Variants in IGSF11 observed in about 807,000 individuals in gnomAD.
The protein encoded by IGSF11 is CXADR like 1.
IGSF11 carries 22 observed loss-of-function variants against 41.0 expected under a neutral mutation model. The observed-to-expected ratio is 0.54, with a 90% CI of 0.38 to 0.77. The LOEUF (loss-of-function observed/expected upper bound fraction) is 0.77. IGSF11 is among the 30% of genes least tolerant of loss of function. The probability of loss-of-function intolerance (pLI) is 0.00; values close to 1 mark genes in which losing one functional copy is unlikely to be tolerated. For missense variants in IGSF11, 444 were observed against 530.8 expected, an observed-to-expected ratio of 0.84 and a Z score of 1.61; for synonymous variants, 219 against 201.3, an observed-to-expected ratio of 1.09 and a Z score of -0.74.
intron 1 of IGSF11, among the ~76,000 whole-genome samples, chr3:119,097,555 A>C (rs1045970064): frequency 6.6e-6 from 1 of 152,090 alleles, no homozygotes; most frequent in Non-Finnish European, 1.5e-5. Flanking sequence ...GTAGAGAGAG[A>C]GAGCCTGCTA....
chr3:119,111,200 C>G lies in IGSF11; in HGVS notation c.-13-5995G>C, dbSNP rs372404946. ...CTGCAGAGTGTTTTCCAACTTGGTT[C>G]CATTCTCCCCATCACTTTCAGGTAC... is the stretch of plus-strand genomic sequence containing the variant. On this transcript the variant is annotated intron_variant, in intron 1 of 7. Transcript: ENST00000425327. 3.2e-4 allele frequency among the ~76,000 whole-genome samples: 49 copies of G among 152,262 alleles called. 1 individual carries two copies. In the East Asian group the frequency reaches 8.9e-3, roughly 28 times the overall value.
chr3:119,064,365 G>A (rs1414860131), intron 1 of IGSF11, among the ~76,000 whole-genome samples: 2 of 151,980 alleles, frequency 1.3e-5, no homozygotes, highest in Non-Finnish European at 1.5e-5. Flanking sequence ...ATGTGTAGGG[G>A]GTTTTCCCTC....
At chr3:118,951,762 C>A (rs1944586637) in intron 1 of IGSF11, among the ~76,000 whole-genome samples, 1 of 152,114 alleles carries the variant, frequency 6.6e-6, no homozygotes, top group Non-Finnish European at 1.5e-5. Flanking sequence ...TACAAATATT[C>A]TCTCAAATAC....
chr3:118,984,812 G>A (rs1264395051), intron 1 of IGSF11, among the ~76,000 whole-genome samples: 1 of 152,178 alleles, frequency 6.6e-6, no homozygotes, highest in Non-Finnish European at 1.5e-5. Context: ...AGGTAAGGGA[G>A]CAAGGTGAAG....
chr3:118,916,071 C>G (rs1000172392), intron 4 of IGSF11, among the ~76,000 whole-genome samples: 2 of 148,994 alleles, frequency 1.3e-5, no homozygotes, highest in Non-Finnish European at 2.9e-5. Flanking sequence ...GATTTTGTCA[C>G]CACCAAGCCT....
At chr3:118,935,399 CACACACACATAT>C (rs1365138974) in intron 1 of IGSF11, among the ~76,000 whole-genome samples, 1 of 140,688 alleles carries the variant, frequency 7.1e-6, no homozygotes, top group East Asian at 2.2e-4. Context: ...CACACACATA[CACACACACATAT>C]ACATACGTAT....
chr3:119,011,488 T>C (rs867876233), intron 1 of IGSF11, among the ~76,000 whole-genome samples: 2 of 152,168 alleles, frequency 1.3e-5, no homozygotes, highest in African/African-American at 4.8e-5. Flanking sequence ...CCACAGCATG[T>C]GGAGGCTGAA....
chr3:118,965,985 T>A (rs1945648625), intron 1 of IGSF11, among the ~76,000 whole-genome samples: 1 of 146,932 alleles, frequency 6.8e-6, no homozygotes, highest in Admixed American at 6.8e-5. Context: ...TAAGGAAAGG[T>A]AAGAAAAGGC....
intron 1 of IGSF11, among the ~76,000 whole-genome samples, chr3:119,070,898 T>A (rs2076389553): frequency 6.6e-6 from 1 of 152,198 alleles, no homozygotes; most frequent in South Asian, 2.1e-4. Context: ...TTTGTCCAAG[T>A]GATCATGTGC....
At chr3:118,939,235 A>T (rs1468876848) in intron 1 of IGSF11, among the ~76,000 whole-genome samples, 1 of 152,224 alleles carries the variant, frequency 6.6e-6, no homozygotes, top group East Asian at 1.9e-4. Context: ...GAGTTAAACT[A>T]AACTCAATAG....
At chr3:119,018,379 A>G (rs954937009) in intron 1 of IGSF11, among the ~76,000 whole-genome samples, 2 of 152,244 alleles carry the variant, frequency 1.3e-5, no homozygotes, top group Non-Finnish European at 2.9e-5. Context: ...AGATTTGCTC[A>G]TAACTCCTAT....
chr3:119,083,509 C>T (rs1453137895), intron 1 of IGSF11, among the ~76,000 whole-genome samples: 2 of 48,794 alleles, frequency 4.1e-5, no homozygotes, highest in African/African-American at 1.4e-4. Context: ...AAAGATCACA[C>T]ACACACACAC....
chr3:118,910,108 C>A (rs1057138385), intron 4 of IGSF11, among the ~76,000 whole-genome samples: 1 of 152,166 alleles, frequency 6.6e-6, no homozygotes, highest in Non-Finnish European at 1.5e-5. Flanking sequence ...GTTGACTCTG[C>A]TTTTAGGTTT....
chr3:118,908,473 T>C (rs1202185827), intron 4 of IGSF11, among the ~76,000 whole-genome samples: 1 of 152,212 alleles, frequency 6.6e-6, no homozygotes, highest in Non-Finnish European at 1.5e-5. Context: ...AGCAGACTGT[T>C]TGCAGCCACA....
chr3:119,032,391 T>C (rs1940487764), intron 1 of IGSF11, among the ~76,000 whole-genome samples: 1 of 152,240 alleles, frequency 6.6e-6, no homozygotes, highest in South Asian at 2.1e-4. Flanking sequence ...ACAGGTATGC[T>C]AGCACAAACA....
chr3:119,062,396 C>T (rs1345683081), intron 1 of IGSF11, among the ~76,000 whole-genome samples: 1 of 152,164 alleles, frequency 6.6e-6, no homozygotes, highest in Non-Finnish European at 1.5e-5. Context: ...CCACAAATGC[C>T]TTTGCCTCAC....
At chr3:118,971,409 A>G (rs985574312) in intron 1 of IGSF11, among the ~76,000 whole-genome samples, 1 of 152,152 alleles carries the variant, frequency 6.6e-6, no homozygotes, top group African/African-American at 2.4e-5. Context: ...AATTAAAATC[A>G]ATGTGGTTTG....
intron 4 of IGSF11, among the ~76,000 whole-genome samples, chr3:118,907,568 G>T (rs1201332274): frequency 5.3e-5 from 8 of 152,102 alleles, no homozygotes. Flanking sequence ...ACACAGAAAG[G>T]TGCTAAATAA....
chr3:119,081,745 C>T (rs1051514781), intron 1 of IGSF11, among the ~76,000 whole-genome samples: 4 of 152,162 alleles, frequency 2.6e-5, no homozygotes, highest in Non-Finnish European at 4.4e-5. Context: ...TTACTCACAC[C>T]TCCTTGTGAA....
Sources: allele counts gnomAD v4.1 joint callset (sites outside exome capture counted in the v4.1 genomes callset), GRCh38; gene constraint gnomAD v4.1.1; transcripts MANE v1.5; gene names NCBI Gene and HGNC (gene_info 2026-07-23, HGNC 2026-07-21).